EPB41L4A: variants seen among roughly 807,000 people sequenced by gnomAD.
EPB41L4A encodes band 4.1-like protein 4A.
Under a neutral mutation model 108.6 loss-of-function variants are expected in EPB41L4A, and 100 were observed. The observed-to-expected ratio is 0.92, with a 90% CI of 0.78 to 1.09. The LOEUF (loss-of-function observed/expected upper bound fraction) is 1.09, where lower values mean the gene tolerates loss of function less well. Among genes scored for constraint, EPB41L4A ranks in the 50% least tolerant of loss-of-function variants. The pLI is 0.00. For synonymous variants in EPB41L4A, 319 were observed against 289.0 expected (o/e 1.10, Z -1.05); for missense variants, 1,030 against 842.7 (o/e 1.22, Z -2.75).
At chr5:112,287,577 C>T (rs1256574289) in intron 2 of EPB41L4A, among the ~76,000 whole-genome samples, 10 of 152,208 alleles carry the variant, frequency 6.6e-5, no homozygotes, top group African/African-American at 2.4e-4. Context: ...TCAATATCCT[C>T]CAGTGGTTTC....
chr5:112,262,674 C>T (rs1751578746), intron 6 of EPB41L4A, 93 bp from the exon 7 acceptor site: 3 of 1,059,552 alleles, frequency 2.8e-6, no homozygotes, highest in Non-Finnish European at 4.2e-6. Flanking sequence ...AATGGGAAAA[C>T]AAATAATACT....
chr5:112,240,960 G>A, intron 9 of EPB41L4A, 150 bp from the exon 10 acceptor site: 1 of 528,566 alleles, frequency 1.9e-6, no homozygotes, highest in Non-Finnish European at 3.3e-6. Flanking sequence ...AACTATTTTT[G>A]GAGAGGTGCA....
intron 4 of EPB41L4A, among the ~76,000 whole-genome samples, chr5:112,270,891 T>C (rs148518919): frequency 6.6e-6 from 1 of 152,352 alleles, no homozygotes; most frequent in African/African-American, 2.4e-5. Flanking sequence ...ACACCTGTTT[T>C]GAGACTCTAA....
At chr5:112,375,850 T>TA (rs1172156403) in intron 1 of EPB41L4A, among the ~76,000 whole-genome samples, 2 of 152,072 alleles carry the variant, frequency 1.3e-5, no homozygotes, top group African/African-American at 4.8e-5. Flanking sequence ...CTTCACGAAT[T>TA]AGAGTGGTCA....
intron 13 of EPB41L4A, among the ~76,000 whole-genome samples, chr5:112,209,497 C>A (rs1762627595): frequency 6.6e-6 from 1 of 152,224 alleles, no homozygotes; most frequent in Admixed American, 6.5e-5. Context: ...CTTTCCAGGG[C>A]TACAGTTCAG....
At chr5:112,181,267 C>T (rs1185479448) in intron 18 of EPB41L4A, among the ~76,000 whole-genome samples, 1 of 150,950 alleles carries the variant, frequency 6.6e-6, no homozygotes, top group Non-Finnish European at 1.5e-5. Context: ...CTGGCTAACA[C>T]GGTGAAACCC....
At chr5:112,279,153 G>A (rs1580596502) in intron 3 of EPB41L4A, among the ~76,000 whole-genome samples, 1 of 151,330 alleles carries the variant, frequency 6.6e-6, no homozygotes, top group Middle Eastern at 3.4e-3. Flanking sequence ...TGCTAGAGCT[G>A]TAACTTGTAA....
intron 18 of EPB41L4A, among the ~76,000 whole-genome samples, chr5:112,178,493 G>A (rs78104516): frequency 6.6e-6 from 1 of 151,950 alleles, no homozygotes. Context: ...CATTCTTCTT[G>A]AGTCTACAGA....
chr5:112,159,607 G>A (rs147298671), downstream of EPB41L4A, among the ~76,000 whole-genome samples: 335 of 152,200 alleles, frequency 2.2e-3, 3 homozygotes, highest in African/African-American at 7.9e-3. Context: ...CTCCTTACTC[G>A]ACTCCAGCCA....
chr5:112,163,457 G>A lies in EPB41L4A; in HGVS notation c.*1533C>T, dbSNP rs1392637365. 1 of 152,274 alleles carries A rather than the reference G, an allele frequency of 6.6e-6. No individual in the cohort carries two copies. Among genetic ancestry groups the A allele is most frequent in the Non-Finnish European group, 1.5e-5 (1 of 68,088 alleles). The allele number at this position is 152,274 out of a possible 1,614,324, so 9.4% of individuals were successfully genotyped here. A position where few individuals can be genotyped will look rare whatever the true frequency, so the allele number is the denominator to read the frequency against. On this transcript the variant is annotated 3_prime_UTR_variant, in exon 23 of 23. Transcript: ENST00000261486. ...TGGTGGTAGAGGAAGAGGGCCTAGGGTCTGAAGTTTGAGAAACTCCACTAA... is the reference window on the plus strand; with the variant it reads ...TGGTGGTAGAGGAAGAGGGCCTAGGATCTGAAGTTTGAGAAACTCCACTAA...
At chr5:112,367,049 T>C (rs6867914) in intron 1 of EPB41L4A, among the ~76,000 whole-genome samples, 12,704 of 152,216 alleles carry the variant, frequency 0.083, 1,689 homozygotes, top group African/African-American at 0.28. Flanking sequence ...TGAGCCTGAC[T>C]CTGGCAGAGC....
chr5:112,202,466 G>C (rs2150291238), intron 15 of EPB41L4A, among the ~76,000 whole-genome samples: 1 of 152,252 alleles, frequency 6.6e-6, no homozygotes, highest in Middle Eastern at 3.4e-3. Flanking sequence ...CCCTCTGCTA[G>C]AATCACATCA....
intron 12 of EPB41L4A, among the ~76,000 whole-genome samples, chr5:112,210,653 A>G (rs1006128718): frequency 1.3e-5 from 2 of 152,174 alleles, no homozygotes; most frequent in East Asian, 1.9e-4. Context: ...CGAAATAAAG[A>G]TAACTGAAGG....
intron 2 of EPB41L4A, among the ~76,000 whole-genome samples, chr5:112,284,776 C>T (rs141382935): frequency 0.018 from 2,788 of 152,298 alleles, 43 homozygotes; most frequent in Non-Finnish European, 0.028. Flanking sequence ...GACAGCCTTA[C>T]CACTTCAGGC....
chr5:112,215,782 A>C (rs1250643506), intron 12 of EPB41L4A, among the ~76,000 whole-genome samples: 1 of 150,764 alleles, frequency 6.6e-6, no homozygotes, highest in East Asian at 1.9e-4. Context: ...AAAAAACAAA[A>C]AAAACAAAAA....
chr5:112,337,917 A>C (rs1176963228), intron 1 of EPB41L4A, among the ~76,000 whole-genome samples: 1 of 152,142 alleles, frequency 6.6e-6, no homozygotes, highest in Non-Finnish European at 1.5e-5. Context: ...GCAGAAACAA[A>C]GGTACCAATG....
At chr5:112,356,160 T>C (rs953510524) in intron 1 of EPB41L4A, among the ~76,000 whole-genome samples, 5 of 152,056 alleles carry the variant, frequency 3.3e-5, no homozygotes, top group Admixed American at 6.6e-5. Flanking sequence ...ACATTGTGGG[T>C]AGAAGTCCCA....
intron 12 of EPB41L4A, among the ~76,000 whole-genome samples, chr5:112,219,808 A>T (rs562139819): frequency 2.6e-5 from 4 of 152,250 alleles, no homozygotes; most frequent in African/African-American, 9.6e-5. Context: ...TGATTCTCCC[A>T]TCTCAGCCTC....
intron 17 of EPB41L4A, among the ~76,000 whole-genome samples, chr5:112,193,284 TTTTCTTTCTTTC>T (rs753177499): frequency 1.3e-5 from 2 of 152,180 alleles, no homozygotes; most frequent in African/African-American, 4.8e-5. Context: ...ACTTCCTCAC[TTTTCTTTCTTTC>T]TTTCTTTCTT....
Sources: gnomAD v4.1 joint callset for allele counts (sites outside exome capture counted in the v4.1 genomes callset) on GRCh38, gnomAD v4.1.1 for gene constraint, MANE v1.5 for transcripts, NCBI Gene and HGNC (gene_info 2026-07-23, HGNC 2026-07-21) for gene names.